The following PALM2AKAP2 variants were observed in gnomAD, a reference collection of about 807,000 sequenced individuals.
PALM2AKAP2 encodes PALM2-AKAP2 fusion protein.
Under a neutral mutation model 71.5 loss-of-function variants are expected in PALM2AKAP2, and 37 were observed. The ratio of observed to expected loss-of-function variants is 0.52; its 90% confidence interval spans 0.40 to 0.68. PALM2AKAP2 has a LOEUF of 0.68. Ranked by LOEUF, PALM2AKAP2 falls within the 30% of genes least tolerant of loss-of-function variation. The pLI, the probability that PALM2AKAP2 is intolerant of heterozygous loss-of-function variation, is 0.00. For missense variants in PALM2AKAP2, 1,224 were observed against 1,191.8 expected, an observed-to-expected ratio of 1.03 and a Z score of -0.40; for synonymous variants, 468 against 478.8, an observed-to-expected ratio of 0.98 and a Z score of 0.29.
At chr9:109,662,439 C>T (rs1348281060) in intron 1 of PALM2AKAP2, among the ~76,000 whole-genome samples, 1 of 152,110 alleles carries the variant, frequency 6.6e-6, no homozygotes, top group African/African-American at 2.4e-5. Context: ...TGGTTTTTGT[C>T]TTTGGTTCTG....
At chr9:109,962,543 G>C (rs1369850936) in intron 6 of PALM2AKAP2, among the ~76,000 whole-genome samples, 1 of 152,048 alleles carries the variant, frequency 6.6e-6, no homozygotes, top group Non-Finnish European at 1.5e-5. Flanking sequence ...AAGTTTACTG[G>C]CCCCCAATTA....
chr9:109,934,359 C>T (rs1831175943), intron 6 of PALM2AKAP2, among the ~76,000 whole-genome samples: 1 of 152,114 alleles, frequency 6.6e-6, no homozygotes, highest in Admixed American at 6.5e-5. Context: ...TATCCTGCAC[C>T]CTGGAGCTAC....
intron 1 of PALM2AKAP2, among the ~76,000 whole-genome samples, chr9:109,665,441 G>T (rs763678456): frequency 6.6e-6 from 1 of 152,130 alleles, no homozygotes; most frequent in African/African-American, 2.4e-5. Flanking sequence ...TAACAGTCAG[G>T]TCCTTTAGAT....
At chr9:109,832,024 C>G (rs886986067) in intron 1 of PALM2AKAP2, among the ~76,000 whole-genome samples, 1 of 152,116 alleles carries the variant, frequency 6.6e-6, no homozygotes, top group Non-Finnish European at 1.5e-5. Flanking sequence ...CTGACAGATT[C>G]TTCTATTTTA....
chr9:110,111,218 A>G (rs1479011012), intron 1 of PALM2AKAP2, among the ~76,000 whole-genome samples: 2 of 149,426 alleles, frequency 1.3e-5, no homozygotes, highest in Non-Finnish European at 3.0e-5. Context: ...CAGCCTCGTG[A>G]ATAGCTGGGG....
chr9:110,089,297 T>G (rs1165756187), intron 1 of PALM2AKAP2, among the ~76,000 whole-genome samples: 18 of 152,230 alleles, frequency 1.2e-4, no homozygotes. Flanking sequence ...TAGTTATGTC[T>G]GATAGAATGT....
At position 110,008,711 on chromosome 9, in the gene PALM2AKAP2, C is replaced by A. The variant is rs1832826322; in HGVS notation, c.497-7243C>A. 2.0e-5 allele frequency among the ~76,000 whole-genome samples: 3 copies of A among 151,966 alleles called. No homozygotes were observed. The South Asian group carries it at 6.2e-4, about 32-fold the overall frequency. On this transcript the variant is annotated intron_variant, in intron 6 of 9. Transcript: ENST00000302798. ...TTTAGTTCTCACTCATATTACATGG[C>A]CAAGGTGGGTTGCTTGTGTCTCTGT...
At chr9:110,150,898 A>G (rs1196680835) in intron 2 of PALM2AKAP2, among the ~76,000 whole-genome samples, 1 of 152,144 alleles carries the variant, frequency 6.6e-6, no homozygotes, top group Non-Finnish European at 1.5e-5. Flanking sequence ...CATGACCTTA[A>G]CCATTCCTCT....
intron 3 of PALM2AKAP2, among the ~76,000 whole-genome samples, chr9:109,903,489 C>T (rs1830374631): frequency 6.6e-6 from 1 of 152,180 alleles, no homozygotes; most frequent in Non-Finnish European, 1.5e-5. Context: ...ACCACTTTTT[C>T]TCCCTGTTCC....
At chr9:109,943,508 C>T (rs995113658) in intron 6 of PALM2AKAP2, 1 of 1,490,372 alleles carries the variant, frequency 6.7e-7, no homozygotes, top group Non-Finnish European at 8.9e-7. Context: ...AACTGCAATA[C>T]TGTGAACTGG....
intron 6 of PALM2AKAP2, among the ~76,000 whole-genome samples, chr9:109,980,694 G>A (rs1004518498): frequency 4.7e-4 from 72 of 152,324 alleles, no homozygotes; most frequent in African/African-American, 1.7e-3. Context: ...CAGGTTCCTT[G>A]GGTGCTTCTT....
intron 1 of PALM2AKAP2, among the ~76,000 whole-genome samples, chr9:109,739,877 C>T (rs541090199): frequency 1.4e-4 from 22 of 152,196 alleles, no homozygotes; most frequent in East Asian, 1.9e-4. Flanking sequence ...GCTTCCCACC[C>T]GGAACACAAA....
intron 7 of PALM2AKAP2, among the ~76,000 whole-genome samples, chr9:110,033,425 C>A (rs1833322235): frequency 6.6e-6 from 1 of 152,196 alleles, no homozygotes; most frequent in African/African-American, 2.4e-5. Context: ...CCTTCACTCC[C>A]TTTCTTTTTC....
At chr9:109,959,249 G>T (rs567247763) in intron 6 of PALM2AKAP2, among the ~76,000 whole-genome samples, 30 of 152,300 alleles carry the variant, frequency 2.0e-4, no homozygotes, top group African/African-American at 7.2e-4. Context: ...AGTGTACTGG[G>T]TCTGAAAGCA....
intron 1 of PALM2AKAP2, among the ~76,000 whole-genome samples, chr9:109,656,632 A>G (rs1421574979): frequency 1.3e-5 from 2 of 152,166 alleles, no homozygotes; most frequent in African/African-American, 4.8e-5. Flanking sequence ...GTAGTTTAAC[A>G]AGATGGTTAT....
At chr9:109,661,752 T>C (rs1037994812) in intron 1 of PALM2AKAP2, among the ~76,000 whole-genome samples, 11 of 152,218 alleles carry the variant, frequency 7.2e-5, no homozygotes, top group African/African-American at 2.7e-4. Context: ...TAAATTACTT[T>C]GGGCAGCAAG....
Position 109,697,981 on chromosome 9 carries a change from A to G in PALM2AKAP2, c.5+57115A>G, listed in dbSNP as rs544715997. Among the ~76,000 whole-genome samples, 7 of 152,298 alleles carry G rather than the reference A, an allele frequency of 4.6e-5. No homozygotes were observed. The East Asian group carries it at 1.4e-3, about 29-fold the overall frequency. On this transcript the variant is annotated intron_variant, in intron 1 of 6. Transcript: ENST00000374531. The stretch of plus-strand genomic sequence containing the variant: ...TTGCACCATTATTAGTGCTTTTGGC[A>G]TCTGGTTACAAATTATACACACACA...
intron 1 of PALM2AKAP2, among the ~76,000 whole-genome samples, chr9:110,111,115 G>A (rs1160568559): frequency 7.7e-5 from 6 of 77,816 alleles, no homozygotes; most frequent in Non-Finnish European, 1.0e-4. Context: ...TTTTTGAGAC[G>A]GAGTCTTGCT....
At chr9:110,110,211 T>C (rs542127856) in intron 1 of PALM2AKAP2, among the ~76,000 whole-genome samples, 1 of 152,244 alleles carries the variant, frequency 6.6e-6, no homozygotes, top group Non-Finnish European at 1.5e-5. Flanking sequence ...TATACACTTC[T>C]TTTTTCTTAA....
Sources: allele counts gnomAD v4.1 joint callset (sites outside exome capture counted in the v4.1 genomes callset), GRCh38; gene constraint gnomAD v4.1.1; transcripts MANE v1.5; gene names NCBI Gene and HGNC (gene_info 2026-07-23, HGNC 2026-07-21).